FRAS1: variants seen among roughly 807,000 people sequenced by gnomAD.
The protein encoded by FRAS1 is Fraser extracellular matrix complex subunit 1, also known as extracellular matrix organizing protein FRAS1.
In FRAS1, 290 loss-of-function variants were observed where a neutral mutation model predicts 435.2. The ratio of observed to expected loss-of-function variants is 0.67; its 90% CI spans 0.61 to 0.73. The LOEUF (loss-of-function observed/expected upper bound fraction) is 0.73, where lower values mean the gene tolerates loss of function less well. Among genes scored for constraint, FRAS1 ranks in the 30% least tolerant of loss-of-function variants. FRAS1 has a pLI of 0.00. For missense variants in FRAS1, 4,860 were observed against 5,001.5 expected, an observed-to-expected ratio of 0.97 and a Z score of 0.85; for synonymous variants, 1,800 against 1,851.0, an observed-to-expected ratio of 0.97 and a Z score of 0.71.
At chr4:78,236,045 G>A (rs1357045104) in intron 2 of FRAS1, among the ~76,000 whole-genome samples, 2 of 152,220 alleles carry the variant, frequency 1.3e-5, no homozygotes, top group Non-Finnish European at 2.9e-5. Flanking sequence ...TTAAAGGTTA[G>A]GAATGATTCA....
chr4:78,072,804 A>AT (rs35214420), intron 2 of FRAS1, among the ~76,000 whole-genome samples: 2 of 151,668 alleles, frequency 1.3e-5, no homozygotes, highest in African/African-American at 2.4e-5. Flanking sequence ...ATAAAAACTT[A>AT]TTTTTTTTGC....
At chr4:78,202,044 C>G (rs1723070305) in intron 2 of FRAS1, among the ~76,000 whole-genome samples, 1 of 152,126 alleles carries the variant, frequency 6.6e-6, no homozygotes, top group Non-Finnish European at 1.5e-5. Flanking sequence ...GTTGTCACAA[C>G]TGGGGTGTTA....
chr4:78,194,466 C>T (rs1394536775), intron 2 of FRAS1, among the ~76,000 whole-genome samples: 7 of 152,140 alleles, frequency 4.6e-5, no homozygotes, highest in Non-Finnish European at 7.4e-5. Flanking sequence ...AGGCTTTGCT[C>T]GTTTCTTTTT....
chr4:78,416,858 A>C (rs1221360436), intron 32 of FRAS1, among the ~76,000 whole-genome samples: 1 of 152,094 alleles, frequency 6.6e-6, no homozygotes, highest in African/African-American at 2.4e-5. Flanking sequence ...CACTGGGTTA[A>C]TCCTGGGGAG....
chr4:78,394,120 T>C (rs148905818), intron 29 of FRAS1, among the ~76,000 whole-genome samples: 2 of 152,160 alleles, frequency 1.3e-5, no homozygotes, highest in Admixed American at 6.5e-5. Context: ...TAACCTCTTA[T>C]GAGATATTGG....
At chr4:78,486,451 C>T (rs796537047) in intron 58 of FRAS1, among the ~76,000 whole-genome samples, 6 of 152,198 alleles carry the variant, frequency 3.9e-5, no homozygotes, top group Admixed American at 6.5e-5. Flanking sequence ...ACAGAAAATG[C>T]GTTATACCCA....
At chr4:78,182,747 G>T (rs1395469269) in intron 2 of FRAS1, among the ~76,000 whole-genome samples, 6 of 151,992 alleles carry the variant, frequency 3.9e-5, no homozygotes, top group Non-Finnish European at 8.8e-5. Context: ...GGACATGGTG[G>T]CACGTGCCTG....
chr4:78,503,507 G>A (rs533927803), intron 61 of FRAS1, among the ~76,000 whole-genome samples: 2 of 152,308 alleles, frequency 1.3e-5, no homozygotes, highest in East Asian at 3.9e-4. Flanking sequence ...GCATAGAGGT[G>A]TTTATAGTAT....
At chr4:78,515,761 A>C (rs765939968) in intron 65 of FRAS1, 38 bp from the exon 66 acceptor site, 1 of 1,600,188 alleles carries the variant, frequency 6.2e-7, no homozygotes, top group South Asian at 1.1e-5. Context: ...GGCATCCACA[A>C]ACCAAGTTAT....
chr4:78,168,055 C>CA (rs34469339), intron 2 of FRAS1, among the ~76,000 whole-genome samples: 1,757 of 146,292 alleles, frequency 0.012, 32 homozygotes, highest in African/African-American at 0.04. Flanking sequence ...AGTACCAGTT[C>CA]AAAAAAAAAA....
intron 18 of FRAS1, among the ~76,000 whole-genome samples, chr4:78,327,964 G>C (rs570431486): frequency 4.6e-5 from 7 of 152,138 alleles, no homozygotes; most frequent in African/African-American, 1.2e-4. Context: ...GTCATCCAGC[G>C]TATTCTTTTC....
intron 2 of FRAS1, among the ~76,000 whole-genome samples, chr4:78,206,846 A>G (rs889539384): frequency 7.9e-5 from 12 of 152,132 alleles, no homozygotes; most frequent in African/African-American, 2.9e-4. Flanking sequence ...AAAGCCTGGG[A>G]CCTGCTGTCC....
At chr4:78,438,216 T>C (rs148887366) in intron 38 of FRAS1, among the ~76,000 whole-genome samples, 98 of 152,304 alleles carry the variant, frequency 6.4e-4, no homozygotes, top group African/African-American at 2.0e-3. Context: ...TGATGACTTA[T>C]AGATGATCAA....
At chr4:78,141,059 A>G (rs908639658) in intron 2 of FRAS1, among the ~76,000 whole-genome samples, 6 of 152,040 alleles carry the variant, frequency 3.9e-5, no homozygotes, top group African/African-American at 1.4e-4. Context: ...CTTCTTTTTT[A>G]TTATACTTTA....
chr4:78,236,031 G>A (rs945340340), intron 2 of FRAS1, among the ~76,000 whole-genome samples: 2 of 152,220 alleles, frequency 1.3e-5, no homozygotes, highest in African/African-American at 2.4e-5. Flanking sequence ...TACCTGAATG[G>A]CAGTTAAAGG....
intron 27 of FRAS1, 51 bp from the exon 28 acceptor site, chr4:78,384,008 G>A (rs1578289205): frequency 3.7e-6 from 5 of 1,357,156 alleles, no homozygotes; most frequent in Non-Finnish European, 5.2e-6. Context: ...TCTGTGTAAA[G>A]TCTAATGTAA....
chr4:78,060,389 G>T (rs1739703023), intron 1 of FRAS1, among the ~76,000 whole-genome samples: 1 of 152,120 alleles, frequency 6.6e-6, no homozygotes, highest in African/African-American at 2.4e-5. Context: ...TCTTTTGATG[G>T]GATGTACCTT....
chr4:78,477,874 C>A lies in FRAS1; in HGVS notation c.7911C>A (p.Asp2637Glu). Residue 2637 changes from aspartate to glutamate, a missense_variant, in exon 55 of 74, where the codon GAC becomes GAA. Coordinates refer to ENST00000512123, the MANE Select transcript of FRAS1 (RefSeq NM_025074.7). ...KSCTIVINDD[D>E]VFENVESFTV... ...GCACCATTGTCATCAACGATGATGA[C>A]GTGTTTGAAAATGTTGAGAGTTTCA... is the stretch of plus-strand genomic sequence containing the variant. 1 of 1,613,418 alleles carries A rather than the reference C, an allele frequency of 6.2e-7. No individual in the cohort carries two copies. The highest frequency in any genetic ancestry group is 8.5e-7 in the Non-Finnish European group (1 of 1,179,682).
At chr4:78,357,244 AC>A (rs1337520845) in intron 20 of FRAS1, among the ~76,000 whole-genome samples, 1 of 151,984 alleles carries the variant, frequency 6.6e-6, no homozygotes, top group Non-Finnish European at 1.5e-5. Flanking sequence ...CTTTCATGGC[AC>A]CCTATCATTA....
Sources: gnomAD v4.1 joint callset for allele counts (sites outside exome capture counted in the v4.1 genomes callset) on GRCh38, gnomAD v4.1.1 for gene constraint, MANE v1.5 for transcripts, NCBI Gene and HGNC (gene_info 2026-07-23, HGNC 2026-07-21) for gene names.